The following HDAC9 variants were observed in gnomAD, a reference collection of about 807,000 sequenced individuals.
HDAC9 encodes the protein MEF-2 interacting transcription repressor (MITR) protein.
HDAC9 carries 41 observed loss-of-function variants against 139.4 expected under a neutral mutation model. The ratio of observed to expected loss-of-function variants is 0.29; its 90% CI spans 0.23 to 0.38. The LOEUF is 0.38. Among genes scored for constraint, HDAC9 ranks in the 10% least tolerant of loss-of-function variants. The pLI is 1.00. For synonymous variants in HDAC9, 517 were observed against 476.2 expected (o/e 1.09, Z -1.12); for missense variants, 1,147 against 1,297.0 (o/e 0.88, Z 1.78).
intron 21 of HDAC9, among the ~76,000 whole-genome samples, chr7:18,838,338 G>T (rs1231809543): frequency 6.6e-6 from 1 of 152,034 alleles, no homozygotes; most frequent in Non-Finnish European, 1.5e-5. Context: ...TTCAGGAAAG[G>T]TTTCATCAAG....
At chr7:18,142,339 C>G (rs1239287995) in intron 1 of HDAC9, among the ~76,000 whole-genome samples, 5 of 152,098 alleles carry the variant, frequency 3.3e-5, no homozygotes, top group African/African-American at 1.2e-4. Context: ...AGAGTGATCC[C>G]CCAGGGAGCC....
At chr7:18,241,327 A>G (rs914892963) in intron 2 of HDAC9, among the ~76,000 whole-genome samples, 2 of 152,204 alleles carry the variant, frequency 1.3e-5, no homozygotes, top group Non-Finnish European at 1.5e-5. Context: ...GAAATGCTCC[A>G]TTATTGTCAT....
chr7:18,590,920 C>T (rs1029265475), intron 4 of HDAC9, among the ~76,000 whole-genome samples: 2 of 152,126 alleles, frequency 1.3e-5, no homozygotes, highest in Non-Finnish European at 2.9e-5. Flanking sequence ...TAAGACATAA[C>T]ACATGCAAAA....
chr7:18,364,500 AAAG>A (rs368058138), intron 1 of HDAC9, among the ~76,000 whole-genome samples: 318 of 152,248 alleles, frequency 2.1e-3, no homozygotes, highest in African/African-American at 7.3e-3. Context: ...TTTTGAAAGT[AAAG>A]AAGAAGAGAC....
At chr7:18,560,357 T>G (rs1354498921) in intron 2 of HDAC9, among the ~76,000 whole-genome samples, 2 of 152,204 alleles carry the variant, frequency 1.3e-5, no homozygotes, top group Non-Finnish European at 2.9e-5. Context: ...TTGTAGAATA[T>G]TCACTCTATA....
At chr7:18,459,904 A>G (rs1793683561) in intron 1 of HDAC9, among the ~76,000 whole-genome samples, 2 of 150,564 alleles carry the variant, frequency 1.3e-5, no homozygotes, top group South Asian at 2.1e-4. Flanking sequence ...CTGCTTATGG[A>G]TGAAGTTAAG....
chr7:18,133,581 T>C (rs1785167704), intron 1 of HDAC9, among the ~76,000 whole-genome samples: 1 of 152,188 alleles, frequency 6.6e-6, no homozygotes, highest in African/African-American at 2.4e-5. Context: ...GCACATGTTA[T>C]TCAGCAGATA....
At chr7:18,894,482 A>G (rs1800991947) in intron 22 of HDAC9, among the ~76,000 whole-genome samples, 1 of 152,072 alleles carries the variant, frequency 6.6e-6, no homozygotes. Flanking sequence ...GTAAGATAAA[A>G]ACTGACCACT....
intron 2 of HDAC9, among the ~76,000 whole-genome samples, chr7:18,171,373 C>T (rs1584447034): frequency 6.6e-6 from 1 of 152,162 alleles, no homozygotes; most frequent in Non-Finnish European, 1.5e-5. Context: ...TCTAAATATA[C>T]AATCATGTCA....
chr7:18,187,755 C>G (rs530252028), intron 2 of HDAC9, among the ~76,000 whole-genome samples: 1 of 152,238 alleles, frequency 6.6e-6, no homozygotes, highest in African/African-American at 2.4e-5. Context: ...TGTAATTTCT[C>G]GAAAATCTTC....
chr7:18,597,269 T>C (rs963293614), intron 6 of HDAC9, among the ~76,000 whole-genome samples: 1 of 152,130 alleles, frequency 6.6e-6, no homozygotes, highest in African/African-American at 2.4e-5. Flanking sequence ...ATAACTTATT[T>C]TGAAGTGGAA....
chr7:18,538,245 C>T (rs1388150411), intron 2 of HDAC9, among the ~76,000 whole-genome samples: 1 of 152,124 alleles, frequency 6.6e-6, no homozygotes, highest in East Asian at 1.9e-4. Flanking sequence ...TCTGTGTTGT[C>T]TGGTATCCTA....
At chr7:18,568,882 T>C (rs1823340834) in intron 2 of HDAC9, among the ~76,000 whole-genome samples, 1 of 151,940 alleles carries the variant, frequency 6.6e-6, no homozygotes, top group Non-Finnish European at 1.5e-5. Context: ...ACCTCCTCTC[T>C]ACTAAAAATA....
At chr7:18,407,511 A>G (rs937607470) in intron 1 of HDAC9, among the ~76,000 whole-genome samples, 2 of 152,200 alleles carry the variant, frequency 1.3e-5, no homozygotes, top group East Asian at 1.9e-4. Context: ...TTCAAAGTCA[A>G]TGTGCAGCCT....
intron 17 of HDAC9, among the ~76,000 whole-genome samples, chr7:18,827,484 C>T (rs1047875841): frequency 3.9e-5 from 6 of 152,136 alleles, no homozygotes; most frequent in African/African-American, 1.2e-4. Flanking sequence ...GAGCATTTAG[C>T]GTACCCCCCT....
chr7:18,194,455 A>G (rs763388150), intron 2 of HDAC9, among the ~76,000 whole-genome samples: 10 of 152,136 alleles, frequency 6.6e-5, no homozygotes, highest in Non-Finnish European at 1.5e-4. Context: ...GTACATTCAC[A>G]CCATTTGCCA....
In HDAC9 at chr7:18,954,427, T is replaced by G. The variant is rs143739891; in HGVS notation, c.3022+197T>G. The G allele has an allele frequency of 9.6e-4, 459 of 478,546 alleles. 5 individuals are homozygous for G. The highest frequency in any genetic ancestry group is 8.6e-3 in the African/African-American group (416 of 48,186). 29.6% of individuals were successfully genotyped at this position (478,546 alleles called of 1,614,324 possible). A position where few individuals can be genotyped will look rare whatever the true frequency, so the allele number is the denominator to read the frequency against. On this transcript the variant is annotated intron_variant, in intron 24 of 25. Transcript: ENST00000686413. ...ATGACAAAACGTAGAGACTCTAGAT[T>G]TAGAATCTTGTTTTTCTCATGTATT...
At chr7:18,570,845 C>A (rs1341524313) in intron 2 of HDAC9, among the ~76,000 whole-genome samples, 4 of 152,192 alleles carry the variant, frequency 2.6e-5, no homozygotes, top group Admixed American at 2.6e-4. Flanking sequence ...GTGTTGGTTC[C>A]ATAATTTAAA....
intron 24 of HDAC9, among the ~76,000 whole-genome samples, chr7:18,966,044 G>A (rs1783823717): frequency 6.6e-6 from 1 of 152,164 alleles, no homozygotes; most frequent in Non-Finnish European, 1.5e-5. Flanking sequence ...ATTATCTATA[G>A]TTTTATTAAG....
Sources: gnomAD v4.1 joint callset for allele counts (sites outside exome capture counted in the v4.1 genomes callset) on GRCh38, gnomAD v4.1.1 for gene constraint, MANE v1.5 for transcripts, NCBI Gene and HGNC (gene_info 2026-07-23, HGNC 2026-07-21) for gene names.